The following CRADD variants were observed in gnomAD, a reference collection of about 807,000 sequenced individuals.
CRADD encodes CARD and death domain containing adaptor protein.
Under a neutral mutation model 15.5 loss-of-function variants are expected in CRADD, and 9 were observed. The observed-to-expected ratio is 0.58, with a 90% confidence interval of 0.35 to 1.01. The LOEUF (loss-of-function observed/expected upper bound fraction) is 1.01, where lower values mean the gene tolerates loss of function less well. CRADD is among the 50% of genes least tolerant of loss of function. CRADD has a pLI of 0.02. For synonymous variants in CRADD, 118 were observed against 107.6 expected (o/e 1.10, Z -0.60); for missense variants, 227 against 250.3 (o/e 0.91, Z 0.63).
intron 2 of CRADD, among the ~76,000 whole-genome samples, chr12:93,827,126 C>G (rs961103698): frequency 6.6e-6 from 1 of 152,126 alleles, no homozygotes; most frequent in African/African-American, 2.4e-5. Context: ...TTGATGTTTC[C>G]ACACACTTAT....
chr12:93,706,432 T>C (rs926307414), intron 2 of CRADD, among the ~76,000 whole-genome samples: 2 of 150,168 alleles, frequency 1.3e-5, no homozygotes, highest in Non-Finnish European at 1.5e-5. Flanking sequence ...TACCAAAATT[T>C]GTTTTTTTGT....
intron 2 of CRADD, among the ~76,000 whole-genome samples, chr12:93,872,865 G>T (rs1343133892): frequency 2.0e-5 from 3 of 151,860 alleles, no homozygotes; most frequent in Non-Finnish European, 4.4e-5. Flanking sequence ...TGTTCTTTTT[G>T]CTTAGGATAT....
chr12:93,703,663 CTT>C (rs1416324017), intron 2 of CRADD, among the ~76,000 whole-genome samples: 3 of 151,820 alleles, frequency 2.0e-5, no homozygotes, highest in African/African-American at 7.3e-5. Flanking sequence ...TACCCAGCCT[CTT>C]TTTTTAAAAA....
chr12:93,691,988 C>T (rs1463417127), intron 2 of CRADD, among the ~76,000 whole-genome samples: 2 of 152,120 alleles, frequency 1.3e-5, no homozygotes, highest in African/African-American at 4.8e-5. Context: ...CATCATGGCA[C>T]ACATTTACCT....
At chr12:93,798,465 A>T (rs1592999569) in intron 2 of CRADD, among the ~76,000 whole-genome samples, 1 of 152,176 alleles carries the variant, frequency 6.6e-6, no homozygotes, top group East Asian at 1.9e-4. Context: ...CTCAGTCCTT[A>T]TAACAACCCT....
chr12:93,891,410 C>T (rs1427343281), intron 2 of CRADD, among the ~76,000 whole-genome samples: 1 of 152,120 alleles, frequency 6.6e-6, no homozygotes, highest in Non-Finnish European at 1.5e-5. Context: ...TCACTTGAAC[C>T]CTGGAGGCAG....
At chr12:93,700,919 C>T (rs1955830815) in intron 2 of CRADD, among the ~76,000 whole-genome samples, 1 of 149,378 alleles carries the variant, frequency 6.7e-6, no homozygotes, top group South Asian at 2.1e-4. Flanking sequence ...TGGATTAAGT[C>T]CTCTCTCATG....
At chr12:93,790,240 A>C (rs988923825) in intron 2 of CRADD, among the ~76,000 whole-genome samples, 2 of 152,180 alleles carry the variant, frequency 1.3e-5, no homozygotes, top group African/African-American at 4.8e-5. Flanking sequence ...ATTTCTAATA[A>C]CTTTAATGGA....
downstream of CRADD, among the ~76,000 whole-genome samples, chr12:93,855,730 ATG>A (rs1565941042): frequency 2.6e-5 from 4 of 152,238 alleles, no homozygotes; most frequent in Non-Finnish European, 4.4e-5. Flanking sequence ...ATTCCATGAG[ATG>A]AAAGGTATAA....
intron 2 of CRADD, among the ~76,000 whole-genome samples, chr12:93,859,817 C>T (rs1417683100): frequency 6.6e-6 from 1 of 151,960 alleles, no homozygotes; most frequent in East Asian, 1.9e-4. Context: ...CTCAGCCTCT[C>T]GGGCTCTAGT....
chr12:93,698,516 G>A (rs747000138), intron 2 of CRADD, among the ~76,000 whole-genome samples: 2 of 152,048 alleles, frequency 1.3e-5, no homozygotes, highest in Admixed American at 1.3e-4. Context: ...GACTCTTCAG[G>A]AACTAGGAAG....
rs1295598210 is a variant in CRADD, at chr12:93,824,078, GGT to G, written c.299-25885_299-25884del. 6.6e-6 allele frequency among the ~76,000 whole-genome samples: 1 copy of G among 152,072 alleles called. No homozygotes were observed. The highest frequency in any genetic ancestry group is 1.5e-5 in the Non-Finnish European group (1 of 68,012). ...GTGTTCCAAAACACTGGCTCCGTTT[GGT>G]GTGTGTTTTGTTTTTATTTGTAATA... On this transcript the variant is annotated intron_variant, in intron 2 of 2. Coordinates refer to ENST00000332896, the MANE Select transcript of CRADD (RefSeq NM_003805.5). This position sits in a 1 kb window ranked among gnomAD's most constrained non-coding sequence, Gnocchi z 4.3.
chr12:93,825,144 C>T (rs1482363521), intron 2 of CRADD, among the ~76,000 whole-genome samples: 1 of 152,162 alleles, frequency 6.6e-6, no homozygotes, highest in Admixed American at 6.5e-5. Context: ...TAGGCTCAAT[C>T]ATTTAGATGT....
At chr12:93,790,126 G>A (rs908078570) in intron 2 of CRADD, among the ~76,000 whole-genome samples, 2 of 152,170 alleles carry the variant, frequency 1.3e-5, no homozygotes, top group Non-Finnish European at 2.9e-5. Context: ...AGGTCCCAGA[G>A]TTAAGGATGT....
At chr12:93,868,685 T>TACAC (rs1257824776) in intron 2 of CRADD, among the ~76,000 whole-genome samples, 1 of 143,548 alleles carries the variant, frequency 7.0e-6, no homozygotes, top group African/African-American at 2.8e-5. Context: ...CTCTCTCTCT[T>TACAC]GCACACACAC....
At chr12:93,819,166 CTG>C in intron 2 of CRADD, among the ~76,000 whole-genome samples, 1 of 152,346 alleles carries the variant, frequency 6.6e-6, no homozygotes, top group South Asian at 2.1e-4. Flanking sequence ...AGGGCTTGCT[CTG>C]TGTGCGTACT....
chr12:93,759,872 A>G, intron 2 of CRADD, among the ~76,000 whole-genome samples: 1 of 152,230 alleles, frequency 6.6e-6, no homozygotes, highest in Non-Finnish European at 1.5e-5. Flanking sequence ...ACTTCCAGGA[A>G]TAGAAATTGT....
rs142322609 is a variant in CRADD at position 93,736,399 on chromosome 12, G to A, written c.298+57327G>A. 1.3e-4 allele frequency among the ~76,000 whole-genome samples: 20 copies of A among 152,232 alleles called. No individual in the cohort carries two copies. In the East Asian group the frequency reaches 3.9e-3, roughly 29 times the overall value. On this transcript the variant is annotated intron_variant, in intron 2 of 2. Transcript: ENST00000332896. ...AAAGTCCTTATATTCAAAACTTTCT[G>A]TGCTGACCACCATCATTTATGTTTT...
At chr12:93,710,205 C>G (rs954618015) in intron 2 of CRADD, among the ~76,000 whole-genome samples, 4 of 152,128 alleles carry the variant, frequency 2.6e-5, no homozygotes, top group African/African-American at 7.2e-5. Context: ...TCTCATGTTT[C>G]CTGTTGGCTG....
Sources: gnomAD v4.1 joint callset for allele counts (sites outside exome capture counted in the v4.1 genomes callset) on GRCh38, gnomAD v4.1.1 for gene constraint, Gnocchi (gnomAD v3.1) non-coding constraint, MANE v1.5 for transcripts, NCBI Gene and HGNC (gene_info 2026-07-23, HGNC 2026-07-21) for gene names.